Variants in STRN3 observed in about 807,000 individuals in gnomAD.
STRN3 encodes striatin-3.
In STRN3, 29 loss-of-function variants were observed where a neutral mutation model predicts 95.6. The observed-to-expected ratio is 0.30, with a 90% confidence interval of 0.23 to 0.41. The LOEUF is 0.41. STRN3 is among the 10% of genes least tolerant of loss of function. The pLI is 1.00. For synonymous variants in STRN3, 331 were observed against 357.6 expected, an observed-to-expected ratio of 0.93 and a Z score of 0.84; for missense variants, 890 against 972.1, an observed-to-expected ratio of 0.92 and a Z score of 1.12.
intron 1 of STRN3, among the ~76,000 whole-genome samples, chr14:30,998,816 A>G (rs755375700): frequency 3.3e-5 from 5 of 152,202 alleles, no homozygotes; most frequent in Non-Finnish European, 5.9e-5. Context: ...TTAAATGTCT[A>G]TAGTTTTTTA....
chr14:30,925,177 C>T (rs145194018), intron 8 of STRN3, among the ~76,000 whole-genome samples: 44 of 147,188 alleles, frequency 3.0e-4, no homozygotes, highest in African/African-American at 1.1e-3. Flanking sequence ...AGTGGGTCTA[C>T]GTTCCAAGAC....
In STRN3 at chr14:30,894,893, CTTTTT is replaced by C. The variant is rs34255465; in HGVS notation, c.*513_*517del. 25 of 741,868 alleles carry C rather than the reference CTTTTT, an allele frequency of 3.4e-5. No homozygotes were observed. The highest frequency in any genetic ancestry group is 6.3e-5 in the African/African-American group (3 of 47,688). The allele number at this position is 741,868 out of a possible 1,614,324, so 46.0% of individuals were successfully genotyped here. On this transcript the variant is annotated 3_prime_UTR_variant, in exon 18 of 18. Coordinates refer to ENST00000357479, the MANE Select transcript of STRN3 (RefSeq NM_001083893.2). The stretch of plus-strand genomic sequence containing the variant: ...ATATTTTAAGTTAAATTTTCTTTTT[CTTTTT>C]TTTTTTTTTTAAAGCAAAATAAGTT...
At position 30,947,140 on chromosome 14, in the gene STRN3, C is replaced by T. The variant is rs758364802; in HGVS notation, c.666G>A (p.Gln222=). The T allele has an allele frequency of 1.2e-6, 2 of 1,610,110 alleles. No individual in the cohort carries two copies. The highest frequency in any genetic ancestry group is 4.5e-5 in the East Asian group (2 of 44,766). The part of the protein sequence containing the change: ...NGSVETKNLE[Q]ILNGGESPKQ... ...TAGGAGATTCACCTCCATTCAGGAT[C>T]TGTTCTAAATTCTTTGTTTCTACTG... Residue 222 remains glutamine (Q), a synonymous_variant, in exon 5 of 18, where the codon CAG becomes CAA. Transcript: ENST00000357479.
At chr14:31,015,088 C>G (rs1566494188) in intron 1 of STRN3, among the ~76,000 whole-genome samples, 1 of 152,162 alleles carries the variant, frequency 6.6e-6, no homozygotes, top group Non-Finnish European at 1.5e-5. Flanking sequence ...CTTGGCCTCC[C>G]AAAGTGCTGG....
chr14:30,970,038 C>T (rs933665836), intron 1 of STRN3, among the ~76,000 whole-genome samples: 4 of 152,210 alleles, frequency 2.6e-5, no homozygotes, highest in African/African-American at 9.7e-5. Context: ...CCCTACCAAA[C>T]CAAAGCTAAG....
intron 1 of STRN3, among the ~76,000 whole-genome samples, chr14:31,023,738 G>A (rs1289589241): frequency 3.3e-5 from 5 of 150,696 alleles, no homozygotes; most frequent in Non-Finnish European, 5.9e-5. Context: ...TTTAAAATAC[G>A]CATCTCACAA....
chr14:30,992,993 G>A (rs558099652), intron 1 of STRN3, among the ~76,000 whole-genome samples: 15 of 152,208 alleles, frequency 9.9e-5, no homozygotes, highest in African/African-American at 2.2e-4. Flanking sequence ...TTCCCAGCTA[G>A]ATATTTCACT....
At chr14:30,925,002 A>C (rs566617441) in intron 8 of STRN3, among the ~76,000 whole-genome samples, 1 of 152,220 alleles carries the variant, frequency 6.6e-6, no homozygotes, top group Non-Finnish European at 1.5e-5. Flanking sequence ...CAAAATAAAA[A>C]GTTAAAAGGA....
chr14:30,946,421 G>C (rs1378132227), intron 5 of STRN3, among the ~76,000 whole-genome samples: 2 of 152,080 alleles, frequency 1.3e-5, no homozygotes, highest in African/African-American at 4.8e-5. Context: ...GCGCATGCCT[G>C]GAATCTGAGC....
rs34255465 is a variant in STRN3 at position 30,894,893 on chromosome 14, C to CT, written c.*517dup. 339,536 of 736,844 alleles carry CT rather than the reference C, an allele frequency of 0.46. 32,662 individuals carry two copies. Among genetic ancestry groups the CT allele is most frequent in the African/African-American group, 0.52 (24,593 of 47,546 alleles). The allele number at this position is 736,844 out of a possible 1,614,324, so 45.6% of individuals were successfully genotyped here. ...ATATTTTAAGTTAAATTTTCTTTTT[C>CT]TTTTTTTTTTTTTTTAAAGCAAAAT... is the stretch of plus-strand genomic sequence containing the variant. On this transcript the variant is annotated 3_prime_UTR_variant, in exon 18 of 18. Transcript: ENST00000357479.
intron 1 of STRN3, among the ~76,000 whole-genome samples, chr14:30,992,913 C>T (rs1882031988): frequency 6.6e-6 from 1 of 152,162 alleles, no homozygotes; most frequent in Non-Finnish European, 1.5e-5. Context: ...TGGTCTCAAA[C>T]TACTGGGCTC....
chr14:31,003,862 T>C (rs933217597), intron 1 of STRN3, among the ~76,000 whole-genome samples: 7 of 141,412 alleles, frequency 5.0e-5, no homozygotes, highest in Non-Finnish European at 9.1e-5. Context: ...CAAAAAGCAC[T>C]AGTTGGCTAG....
chr14:30,907,193 C>CT, intron 13 of STRN3, 149 bp from the exon 14 acceptor site: 2 of 809,790 alleles, frequency 2.5e-6, no homozygotes, highest in African/African-American at 1.7e-5. Flanking sequence ...GTGGCTATAT[C>CT]TAAGAGTAGA....
chr14:30,936,379 C>T lies in STRN3; in HGVS notation c.846+116G>A, dbSNP rs531715369. On this transcript the variant is annotated intron_variant, in intron 6 of 17. Coordinates refer to ENST00000357479, the MANE Select transcript of STRN3 (RefSeq NM_001083893.2). ...AGAGCTGACCACATAAAACTTTTAA[C>T]CAATATGTAAAGTAAAGATGATCAA... is the stretch of plus-strand genomic sequence containing the variant. 9.0e-6 allele frequency: 11 copies of T among 1,222,192 alleles called. No individual in the cohort carries two copies. In the South Asian group the frequency reaches 1.6e-4, roughly 18 times the overall value. The allele number at this position is 1,222,192 out of a possible 1,614,324, so 75.7% of individuals were successfully genotyped here. A position where few individuals can be genotyped will look rare whatever the true frequency, so the allele number is the denominator to read the frequency against.
intron 1 of STRN3, among the ~76,000 whole-genome samples, chr14:31,023,902 C>A (rs1883638137): frequency 6.7e-6 from 1 of 148,726 alleles, no homozygotes; most frequent in Non-Finnish European, 1.5e-5. Flanking sequence ...AAAAAAGAGT[C>A]TAGAAACACT....
chr14:31,014,164 CA>C (rs1883125727), intron 1 of STRN3, among the ~76,000 whole-genome samples: 1 of 151,948 alleles, frequency 6.6e-6, no homozygotes, highest in Non-Finnish European at 1.5e-5. Context: ...CTTGGTCTCC[CA>C]AAGTGCTGGG....
At chr14:30,929,027 A>G (rs1488063541) in intron 8 of STRN3, among the ~76,000 whole-genome samples, 174 bp downstream of exon 8, 1 of 152,180 alleles carries the variant, frequency 6.6e-6, no homozygotes, top group Non-Finnish European at 1.5e-5. Flanking sequence ...TACTTGATCA[A>G]TAACACATCC....
At position 30,906,929 on chromosome 14, in the gene STRN3, T is replaced by C; in HGVS notation, c.1836A>G (p.Leu612=). 1.2e-6 allele frequency: 2 copies of C among 1,613,938 alleles called. No homozygotes were observed. The highest frequency in any genetic ancestry group is 8.5e-7 in the Non-Finnish European group (1 of 1,179,890). The stretch of plus-strand genomic sequence containing the variant: ...ATGGCAATTTTTCTTGTGGATTCCA[T>C]AACCTAACAGTGCCATCTGCTGAAC... The part of the protein sequence containing the change: ...LSCSADGTVR[L]WNPQEKLPCI... The change falls in exon 14 of 18, where the codon TTA becomes TTG. Residue 612 remains leucine (L), a synonymous_variant. Coordinates refer to ENST00000357479, the MANE Select transcript of STRN3 (RefSeq NM_001083893.2).
intron 16 of STRN3, among the ~76,000 whole-genome samples, chr14:30,902,184 A>C: frequency 7.3e-6 from 1 of 137,472 alleles, no homozygotes; most frequent in South Asian, 2.3e-4. Flanking sequence ...AAAAAAAAAA[A>C]AAAAAAAAAA....
Sources: allele counts gnomAD v4.1 joint callset (sites outside exome capture counted in the v4.1 genomes callset), GRCh38; gene constraint gnomAD v4.1.1; transcripts MANE v1.5; gene names NCBI Gene and HGNC (gene_info 2026-07-23, HGNC 2026-07-21).